Variants in ZMYND8 observed in about 807,000 individuals in gnomAD.
The protein encoded by ZMYND8 is zinc finger MYND-type containing 8.
Under a neutral mutation model 140.8 loss-of-function variants are expected in ZMYND8, and 37 were observed. The ratio of observed to expected loss-of-function variants is 0.26; its 90% CI spans 0.20 to 0.35. The LOEUF (loss-of-function observed/expected upper bound fraction) is 0.35. ZMYND8 is among the 10% of genes least tolerant of loss of function. The pLI, the probability that ZMYND8 is intolerant of heterozygous loss-of-function variation, is 1.00. For missense variants in ZMYND8, 1,068 were observed against 1,570.0 expected (o/e 0.68, Z 5.40); for synonymous variants, 592 against 597.1 (o/e 0.99, Z 0.12).
rs768886212 is a variant in ZMYND8, at chr20:47,209,915, G to C, written c.*846C>G. The stretch of plus-strand genomic sequence containing the variant: ...CAAGAAGCACAGCATCTCTGACCAA[G>C]TGTGTGTGAGTGTGTTTAAAGGAAC... On this transcript the variant is annotated 3_prime_UTR_variant, in exon 23 of 23. Coordinates refer to ENST00000471951, the MANE Select transcript of ZMYND8 (RefSeq NM_001281775.3). 2.6e-5 allele frequency: 4 copies of C among 152,614 alleles called. No individual in the cohort carries two copies. The highest frequency in any genetic ancestry group is 5.9e-5 in the Non-Finnish European group (4 of 68,030). The allele number at this position is 152,614 out of a possible 1,614,324, so 9.5% of individuals were successfully genotyped here. A position where few individuals can be genotyped will look rare whatever the true frequency, so the allele number is the denominator to read the frequency against.
intron 14 of ZMYND8, among the ~76,000 whole-genome samples, chr20:47,241,069 G>A (rs2039906443): frequency 6.6e-6 from 1 of 151,876 alleles, no homozygotes. Flanking sequence ...GCCGAGGCGG[G>A]CAGATCACGA....
At chr20:47,266,855 C>T (rs1411698460) in intron 11 of ZMYND8, among the ~76,000 whole-genome samples, 2 of 151,838 alleles carry the variant, frequency 1.3e-5, no homozygotes, top group Non-Finnish European at 2.9e-5. Flanking sequence ...ATAGACAGTA[C>T]ATAAACAGAT....
chr20:47,336,248 T>C (rs2081376677), intron 2 of ZMYND8, among the ~76,000 whole-genome samples: 1 of 152,176 alleles, frequency 6.6e-6, no homozygotes, highest in South Asian at 2.1e-4. Flanking sequence ...TTGCTATAAT[T>C]GTACATTCTC....
At chr20:47,326,045 C>T (rs1275315733) in intron 2 of ZMYND8, among the ~76,000 whole-genome samples, 1 of 152,062 alleles carries the variant, frequency 6.6e-6, no homozygotes, top group African/African-American at 2.4e-5. Flanking sequence ...GAAACCTCTG[C>T]CTCCCAAGTT....
At chr20:47,328,127 A>C (rs542697404) in intron 2 of ZMYND8, among the ~76,000 whole-genome samples, 2 of 152,292 alleles carry the variant, frequency 1.3e-5, no homozygotes, top group South Asian at 2.1e-4. Context: ...CATTAAATCT[A>C]AACTTGAAAG....
intron 5 of ZMYND8, among the ~76,000 whole-genome samples, 189 bp downstream of exon 5, chr20:47,294,477 A>G (rs2077517011): frequency 6.6e-6 from 1 of 152,232 alleles, no homozygotes; most frequent in Admixed American, 6.5e-5. Flanking sequence ...TGGGACATAC[A>G]GTGCTTACTA....
intron 1 of ZMYND8, chr20:47,351,765 G>T: frequency 1.0e-6 from 1 of 985,420 alleles, no homozygotes; most frequent in Non-Finnish European, 1.2e-6. Flanking sequence ...TCTTAAAATG[G>T]CGTCTGGCAA....
At chr20:47,353,595 A>G (rs1407820357) in intron 1 of ZMYND8, 1 of 152,260 alleles carries the variant, frequency 6.6e-6, no homozygotes, top group Non-Finnish European at 1.5e-5. Context: ...CAAAGCAGAA[A>G]GTGAATCCAT....
At position 47,294,745 on chromosome 20, in the gene ZMYND8, C is replaced by G. The variant is rs1223833339; in HGVS notation, c.488G>C (p.Ser163Thr). 1.9e-6 allele frequency: 3 copies of G among 1,614,064 alleles called. No homozygotes were observed. The highest frequency in any genetic ancestry group is 2.7e-5 in the African/African-American group (2 of 74,926). Residue 163 changes from serine to threonine, a missense_variant, in exon 5 of 23, where the codon AGT becomes ACT. Physicochemically the swap from Ser to Thr is moderately conservative, Grantham distance 58. This residue lies in a region of ZMYND8 where 109 missense variants were observed against 314.9 expected (regional missense o/e 0.35). Transcript: ENST00000471951. The part of the protein sequence containing the change: ...ITVAECIETQ[S>T]KAMTMLTIEQ... ...AATGGTGAGCATTGTCATGGCTTTA[C>G]TCTGGGTCTCGATGCATTCTGCTAC...
At chr20:47,242,059 C>T (rs1262481548) in intron 14 of ZMYND8, among the ~76,000 whole-genome samples, 1 of 152,002 alleles carries the variant, frequency 6.6e-6, no homozygotes, top group Non-Finnish European at 1.5e-5. Context: ...CCTTGTGATC[C>T]ACCCGCCTCG....
intron 2 of ZMYND8, among the ~76,000 whole-genome samples, chr20:47,317,503 G>C (rs925861452): frequency 6.6e-6 from 1 of 151,994 alleles, no homozygotes. Context: ...CCTCCCTCAA[G>C]GGAAAGGGCC....
chr20:47,276,494 G>A lies in ZMYND8; in HGVS notation c.1300C>T (p.Pro434Ser), dbSNP rs764902412. 1.9e-6 allele frequency: 3 copies of A among 1,613,986 alleles called. No individual in the cohort carries two copies. Among genetic ancestry groups the A allele is most frequent in the African/African-American group, 1.3e-5 (1 of 74,916 alleles). The change falls in exon 11 of 23, where the codon CCT becomes TCT. Residue 434 changes from proline (P) to serine (S), a missense_variant. This residue lies in a region of ZMYND8 where 173 missense variants were observed against 223.3 expected (regional missense o/e 0.77). Transcript: ENST00000471951. The part of the protein sequence containing the change: ...TASPKILMSK[P>S]VLSGGTGRRI... ...CGGCCTGTGCCCCCACTCAGCACAG[G>A]CTTGCTCATCAGGATCTTGGGGGAT... is the stretch of plus-strand genomic sequence containing the variant.
chr20:47,318,497 G>A (rs1056046377), intron 2 of ZMYND8: 3 of 348,718 alleles, frequency 8.6e-6, no homozygotes, highest in African/African-American at 6.4e-5. Flanking sequence ...TTTCCTCCTG[G>A]CAGAGCATAG....
chr20:47,241,678 G>C (rs191103777), intron 14 of ZMYND8, among the ~76,000 whole-genome samples: 3 of 151,998 alleles, frequency 2.0e-5, no homozygotes, highest in Non-Finnish European at 4.4e-5. Context: ...CTCAGCCCCC[G>C]GTAAGGTGAG....
intron 2 of ZMYND8, among the ~76,000 whole-genome samples, chr20:47,316,054 C>T (rs969432831): frequency 2.6e-5 from 4 of 152,148 alleles, no homozygotes; most frequent in East Asian, 1.9e-4. Flanking sequence ...GGCATGAGGC[C>T]GGGCACGGTG....
chr20:47,308,832 T>G (rs957977455), intron 3 of ZMYND8, among the ~76,000 whole-genome samples: 2 of 152,136 alleles, frequency 1.3e-5, no homozygotes, highest in Admixed American at 1.3e-4. Flanking sequence ...GCCTGGGTAT[T>G]TAACCGTTGC....
At chr20:47,307,468 A>G (rs1278440497) in intron 3 of ZMYND8, among the ~76,000 whole-genome samples, 2 of 152,102 alleles carry the variant, frequency 1.3e-5, no homozygotes, top group East Asian at 1.9e-4. Context: ...CAAAAAATAA[A>G]TAAATAAATA....
chr20:47,235,795 A>T (rs1424168368), intron 16 of ZMYND8, among the ~76,000 whole-genome samples: 1 of 152,122 alleles, frequency 6.6e-6, no homozygotes, highest in Non-Finnish European at 1.5e-5. Flanking sequence ...AACAACAGGC[A>T]ATCCTGCCCA....
chr20:47,311,568 C>T (rs2078932669), intron 2 of ZMYND8, among the ~76,000 whole-genome samples: 1 of 152,148 alleles, frequency 6.6e-6, no homozygotes, highest in Non-Finnish European at 1.5e-5. Flanking sequence ...GCTCCTTTTC[C>T]ACTGTATTTG....
Sources: allele counts gnomAD v4.1 joint callset (sites outside exome capture counted in the v4.1 genomes callset), GRCh38; gene constraint gnomAD v4.1.1; regional missense constraint gnomAD v4.1.1; transcripts MANE v1.5; gene names NCBI Gene and HGNC (gene_info 2026-07-23, HGNC 2026-07-21).